Variants in AFF1 observed in about 807,000 individuals in gnomAD.
AFF1 encodes ALF transcription elongation factor 1, also known as AF4/FMR2 family member 1.
AFF1 carries 48 observed loss-of-function variants against 121.7 expected under a neutral mutation model. That is an observed-to-expected ratio of 0.39 (90% CI 0.31 to 0.50). The LOEUF is 0.50. Among genes scored for constraint, AFF1 ranks in the 20% least tolerant of loss-of-function variants. AFF1 has a pLI of 0.76. For synonymous variants in AFF1, 613 were observed against 563.0 expected (o/e 1.09, Z -1.26); for missense variants, 1,523 against 1,511.7 (o/e 1.01, Z -0.12).
Position 87,104,826 on chromosome 4 carries a change from G to C in AFF1, c.1284-802G>C, listed in dbSNP as rs189659712. Among the ~76,000 whole-genome samples, 189 of 152,056 alleles carry C rather than the reference G, an allele frequency of 1.2e-3. 3 individuals are homozygous for C. The East Asian group carries it at 0.029, about 24-fold the overall frequency. On this transcript the variant is annotated intron_variant, in intron 8 of 20. Coordinates refer to ENST00000395146, the MANE Select transcript of AFF1 (RefSeq NM_001166693.3). The stretch of plus-strand genomic sequence containing the variant: ...TACTATTTAGGTTCACCATAAGCCA[G>C]AATGCCTACAGATACATTAATCCAA...
At chr4:86,989,211 T>G (rs1293070044) in intron 2 of AFF1, among the ~76,000 whole-genome samples, 4 of 152,208 alleles carry the variant, frequency 2.6e-5, no homozygotes, top group African/African-American at 9.6e-5. Flanking sequence ...CTAAAGAGCT[T>G]CTGCACAGCA....
At chr4:87,059,937 C>CT (rs779302073) in intron 4 of AFF1, among the ~76,000 whole-genome samples, 4 of 152,180 alleles carry the variant, frequency 2.6e-5, no homozygotes, top group Non-Finnish European at 4.4e-5. Flanking sequence ...GGGAACTTTG[C>CT]TACGCTGTGC....
intron 12 of AFF1, among the ~76,000 whole-genome samples, chr4:87,118,070 G>T (rs1423728751): frequency 6.6e-6 from 1 of 152,236 alleles, no homozygotes; most frequent in African/African-American, 2.4e-5. Flanking sequence ...CATATAGTCA[G>T]AGGAATAGAA....
chr4:87,006,737 G>GGT (rs952082260), intron 2 of AFF1, among the ~76,000 whole-genome samples: 7 of 152,224 alleles, frequency 4.6e-5, no homozygotes, highest in African/African-American at 1.7e-4. Flanking sequence ...TCCAGCGGTG[G>GGT]GTGTCTGTAC....
chr4:86,948,408 T>C (rs925635134), intron 1 of AFF1, 90 bp from the exon 2 acceptor site: 13 of 785,156 alleles, frequency 1.7e-5, no homozygotes, highest in East Asian at 2.7e-5. Context: ...CTTGGAATTC[T>C]GTCTCCAATA....
At chr4:87,075,805 T>C (rs548574471) in intron 4 of AFF1, among the ~76,000 whole-genome samples, 49 of 152,356 alleles carry the variant, frequency 3.2e-4, no homozygotes, top group South Asian at 2.5e-3. Context: ...GTTTTACCAA[T>C]ATGAGCTGAC....
intron 2 of AFF1, among the ~76,000 whole-genome samples, chr4:87,043,788 C>CA (rs1730390960): frequency 1.3e-5 from 2 of 152,070 alleles, no homozygotes; most frequent in African/African-American, 4.8e-5. Flanking sequence ...TTTTGATACA[C>CA]ACAGGTCTAA....
chr4:87,073,280 C>CAAAAAAAAAAAAAAAAAAA (rs55821662), intron 4 of AFF1, among the ~76,000 whole-genome samples: 4 of 83,670 alleles, frequency 4.8e-5, no homozygotes, highest in African/African-American at 1.6e-4. Context: ...GCATTAAAGC[C>CAAAAAAAAAAAAAAAAAAA]AAAAAAAAAA....
intron 2 of AFF1, chr4:86,949,607 C>G: frequency 7.4e-7 from 1 of 1,353,086 alleles, no homozygotes. Flanking sequence ...GCTGTGGGCC[C>G]CACTCCTCCC....
intron 4 of AFF1, among the ~76,000 whole-genome samples, chr4:87,059,111 C>T (rs1163869879): frequency 1.3e-5 from 2 of 152,232 alleles, no homozygotes; most frequent in African/African-American, 4.8e-5. Flanking sequence ...CAGCCTTTCC[C>T]TGGTGACCTC....
At chr4:87,099,543 G>A (rs952273461) in intron 8 of AFF1, among the ~76,000 whole-genome samples, 11 of 152,086 alleles carry the variant, frequency 7.2e-5, no homozygotes, top group African/African-American at 1.9e-4. Context: ...CGAGTAGCTG[G>A]GACTATAGGC....
Position 87,131,231 on chromosome 4 carries a change from G to C in AFF1, c.3101+12G>C, listed in dbSNP as rs1464623998. 1.2e-6 allele frequency: 2 copies of C among 1,613,598 alleles called. No individual in the cohort carries two copies. Among genetic ancestry groups the C allele is most frequent in the Non-Finnish European group, 1.7e-6 (2 of 1,179,848 alleles). Reference sequence around the variant, plus strand: ...GTAGATCTCATTAAGTAAGTGCCGAGTCATTGTGCTTTCCTCTTAAGTCCT... The same window carrying C: ...GTAGATCTCATTAAGTAAGTGCCGACTCATTGTGCTTTCCTCTTAAGTCCT... On this transcript the variant is annotated intron_variant, in intron 17 of 20. Transcript: ENST00000395146.
In AFF1 at chr4:87,046,276, A is replaced by G; in HGVS notation, c.149A>G (p.Glu50Gly). 1 of 1,613,176 alleles carries G rather than the reference A, an allele frequency of 6.2e-7. No homozygotes were observed. Among genetic ancestry groups the G allele is most frequent in the Non-Finnish European group, 8.5e-7 (1 of 1,179,752 alleles). ...AFPEKIPLFG[E>G]PYKTAKGDEL... ...CCTGAAAAGATTCCCCTTTTTGGAGAGCCCTACAAGGTATTTACTGAACAC... is the reference window on the plus strand; with the variant it reads ...CCTGAAAAGATTCCCCTTTTTGGAGGGCCCTACAAGGTATTTACTGAACAC... The change falls in exon 3 of 21, where the codon GAG becomes GGG. Residue 50 changes from glutamate to glycine, a missense_variant. Transcript: ENST00000395146.
At chr4:86,963,515 A>G (rs1454510511) in intron 2 of AFF1, among the ~76,000 whole-genome samples, 6 of 152,192 alleles carry the variant, frequency 3.9e-5, no homozygotes, top group Non-Finnish European at 7.4e-5. Context: ...GTAGGTTACT[A>G]TGTGCATCTA....
At chr4:87,076,424 A>G (rs1048062395) in intron 4 of AFF1, among the ~76,000 whole-genome samples, 3 of 152,200 alleles carry the variant, frequency 2.0e-5, no homozygotes, top group African/African-American at 7.2e-5. Context: ...ATTTTTTGCT[A>G]CATATTAGAG....
chr4:87,060,843 AAAAAAAAAAAAAAAAAAAAAAAAAC>A (rs796383691), intron 4 of AFF1, among the ~76,000 whole-genome samples: 1,736 of 22,418 alleles, frequency 0.077, 50 homozygotes, highest in African/African-American at 0.29. Context: ...CTCAAAAAAA[AAAAAAAAAAAAAAAAAAAAAAAAAC>A]ACAAAAAAAC....
chr4:87,063,125 G>A (rs531212052), intron 4 of AFF1, among the ~76,000 whole-genome samples: 3 of 150,852 alleles, frequency 2.0e-5, no homozygotes, highest in African/African-American at 4.9e-5. Flanking sequence ...CCTTTATATC[G>A]ATGTCTGGCA....
chr4:86,992,350 T>C (rs963419035), intron 2 of AFF1, among the ~76,000 whole-genome samples: 1 of 152,196 alleles, frequency 6.6e-6, no homozygotes, highest in Non-Finnish European at 1.5e-5. Context: ...GCCAGGAATA[T>C]TGTGCATGCT....
chr4:87,005,933 G>A (rs1231385919), intron 2 of AFF1, among the ~76,000 whole-genome samples: 1 of 152,014 alleles, frequency 6.6e-6, no homozygotes, highest in East Asian at 1.9e-4. Flanking sequence ...CAGTGCAAAT[G>A]TCAGCACAGT....
Sources: gnomAD v4.1 joint callset for allele counts (sites outside exome capture counted in the v4.1 genomes callset) on GRCh38, gnomAD v4.1.1 for gene constraint, MANE v1.5 for transcripts, NCBI Gene and HGNC (gene_info 2026-07-23, HGNC 2026-07-21) for gene names.